Variants in MTUS2 observed in about 807,000 individuals in gnomAD.
MTUS2 encodes microtubule-associated tumor suppressor candidate 2.
In MTUS2, 40 loss-of-function variants were observed where a neutral mutation model predicts 114.1. The ratio of observed to expected loss-of-function variants is 0.35; its 90% CI spans 0.27 to 0.46. MTUS2 has a LOEUF of 0.46. MTUS2 is among the 20% of genes least tolerant of loss of function. The probability of loss-of-function intolerance (pLI) is 1.00; values close to 1 mark genes in which losing one functional copy is unlikely to be tolerated. For missense variants in MTUS2, 1,679 were observed against 1,705.4 expected, an observed-to-expected ratio of 0.98 and a Z score of 0.27; for synonymous variants, 688 against 672.0, an observed-to-expected ratio of 1.02 and a Z score of -0.37.
intron 5 of MTUS2, among the ~76,000 whole-genome samples, chr13:29,241,435 G>T (rs1467330096): frequency 1.3e-5 from 2 of 151,996 alleles, no homozygotes; most frequent in East Asian, 3.9e-4. Context: ...GTTGGGACGG[G>T]GTCTCACATT....
chr13:29,383,254 A>G (rs766236052), intron 8 of MTUS2, among the ~76,000 whole-genome samples: 27 of 92,292 alleles, frequency 2.9e-4, no homozygotes, highest in South Asian at 1.0e-3. Flanking sequence ...GTGTGTGTGT[A>G]TTTATTTTTC....
intron 3 of MTUS2, among the ~76,000 whole-genome samples, chr13:29,027,245 A>G (rs1236641884): frequency 1.3e-5 from 2 of 152,210 alleles, no homozygotes; most frequent in Non-Finnish European, 2.9e-5. Context: ...AGGTTAAAGG[A>G]AGAAAGAATG....
chr13:28,917,152 A>G (rs1880790099), intron 2 of MTUS2, among the ~76,000 whole-genome samples: 2 of 151,670 alleles, frequency 1.3e-5, no homozygotes, highest in South Asian at 4.2e-4. Context: ...TGTATTGTTG[A>G]ATTTGGTTTG....
chr13:29,028,382 C>T (rs1886661534), intron 3 of MTUS2, among the ~76,000 whole-genome samples: 1 of 152,092 alleles, frequency 6.6e-6, no homozygotes, highest in African/African-American at 2.4e-5. Flanking sequence ...CATCCTGTCT[C>T]TAACACCTTC....
At chr13:29,442,848 A>C (rs1471090391) in intron 9 of MTUS2, among the ~76,000 whole-genome samples, 2 of 152,236 alleles carry the variant, frequency 1.3e-5, no homozygotes, top group Non-Finnish European at 2.9e-5. Context: ...CTTATGAGTT[A>C]TAGTTCAGCT....
At chr13:29,453,070 A>G (rs1878843595) in intron 9 of MTUS2, among the ~76,000 whole-genome samples, 1 of 152,218 alleles carries the variant, frequency 6.6e-6, no homozygotes, top group South Asian at 2.1e-4. Context: ...TCACATACCT[A>G]TTAAGAAGAA....
At chr13:29,092,498 C>T (rs1890002143) in intron 4 of MTUS2, among the ~76,000 whole-genome samples, 1 of 152,222 alleles carries the variant, frequency 6.6e-6, no homozygotes, top group Admixed American at 6.5e-5. Context: ...TAAAATTCTT[C>T]TTCACCCACC....
intron 9 of MTUS2, among the ~76,000 whole-genome samples, chr13:29,454,956 A>T (rs1034401676): frequency 6.6e-6 from 1 of 152,158 alleles, no homozygotes; most frequent in Non-Finnish European, 1.5e-5. Flanking sequence ...AGCAGACCAA[A>T]CATGAGGCAA....
At chr13:29,370,931 G>C (rs1392771157) in intron 8 of MTUS2, among the ~76,000 whole-genome samples, 2 of 152,178 alleles carry the variant, frequency 1.3e-5, no homozygotes, top group Non-Finnish European at 2.9e-5. Flanking sequence ...CGCAGATAAA[G>C]AGGGACACAT....
chr13:29,288,589 G>C (rs1898583739), intron 6 of MTUS2, among the ~76,000 whole-genome samples: 1 of 152,150 alleles, frequency 6.6e-6, no homozygotes. Context: ...CTGGAGCCAG[G>C]CCTGTTAGGT....
intron 9 of MTUS2, among the ~76,000 whole-genome samples, chr13:29,465,775 C>T (rs1166801160): frequency 6.6e-6 from 1 of 152,208 alleles, no homozygotes; most frequent in East Asian, 1.9e-4. Flanking sequence ...AACATAAATA[C>T]ATTTAATCCT....
At chr13:28,933,578 A>T (rs916550740) in intron 2 of MTUS2, among the ~76,000 whole-genome samples, 4 of 152,148 alleles carry the variant, frequency 2.6e-5, no homozygotes, top group African/African-American at 9.7e-5. Flanking sequence ...AACCATCACA[A>T]CATATATTAA....
At chr13:28,930,670 A>T (rs1323922980) in intron 2 of MTUS2, among the ~76,000 whole-genome samples, 3 of 152,212 alleles carry the variant, frequency 2.0e-5, no homozygotes, top group Admixed American at 2.0e-4. Context: ...AATGATTTTT[A>T]GTTTAATTGG....
chr13:29,241,689 C>T (rs1382461819), intron 5 of MTUS2, among the ~76,000 whole-genome samples: 1 of 152,188 alleles, frequency 6.6e-6, no homozygotes, highest in African/African-American at 2.4e-5. Context: ...TGGACAAGAA[C>T]CCCGTCTTAG....
rs536959736 is a variant in MTUS2, at chr13:29,092,316, G to T, written c.2447-8457G>T. On this transcript the variant is annotated intron_variant, in intron 4 of 15. Coordinates refer to ENST00000612955, the MANE Select transcript of MTUS2 (RefSeq NM_001033602.4). Reference sequence around the variant, plus strand: ...ACACTGTCATGCCCACCTTTACATGGTGCCTTTGTTTTAGCCTTTTTTTTG... The same window carrying T: ...ACACTGTCATGCCCACCTTTACATGTTGCCTTTGTTTTAGCCTTTTTTTTG... Among the ~76,000 whole-genome samples, 19 of 152,104 alleles carry T rather than the reference G, an allele frequency of 1.2e-4. 1 individual carries two copies. The South Asian group carries it at 3.7e-3, about 30-fold the overall frequency.
intron 5 of MTUS2, among the ~76,000 whole-genome samples, chr13:29,247,916 A>C (rs1303012597): frequency 2.6e-5 from 4 of 152,148 alleles, no homozygotes; most frequent in African/African-American, 4.8e-5. Flanking sequence ...CCTACAGGAA[A>C]AGAAGTCGTT....
chr13:29,281,170 C>T (rs755784870), intron 5 of MTUS2, among the ~76,000 whole-genome samples: 3 of 152,166 alleles, frequency 2.0e-5, no homozygotes, highest in Non-Finnish European at 4.4e-5. Context: ...CTCTACCCCT[C>T]TACCTTCATC....
At chr13:29,367,418 T>A (rs1476394068) in intron 8 of MTUS2, among the ~76,000 whole-genome samples, 3 of 152,056 alleles carry the variant, frequency 2.0e-5, no homozygotes, top group Non-Finnish European at 2.9e-5. Flanking sequence ...GGGCCTTGAA[T>A]CTTAAATAAA....
At chr13:28,941,837 C>A (rs750108777) in intron 2 of MTUS2, among the ~76,000 whole-genome samples, 1 of 152,170 alleles carries the variant, frequency 6.6e-6, no homozygotes, top group Non-Finnish European at 1.5e-5. Context: ...GGCTATCTTG[C>A]ACTTTAAATT....
Sources: allele counts gnomAD v4.1 joint callset (sites outside exome capture counted in the v4.1 genomes callset), GRCh38; gene constraint gnomAD v4.1.1; transcripts MANE v1.5; gene names NCBI Gene and HGNC (gene_info 2026-07-23, HGNC 2026-07-21).